Variants in PTPRZ1 observed in about 807,000 individuals in gnomAD.
PTPRZ1 encodes protein tyrosine phosphatase receptor type Z1.
PTPRZ1 carries 82 observed loss-of-function variants against 214.1 expected under a neutral mutation model. The observed-to-expected ratio is 0.38, with a 90% CI of 0.32 to 0.46. PTPRZ1 has a LOEUF of 0.46. Among genes scored for constraint, PTPRZ1 ranks in the 20% least tolerant of loss-of-function variants. The probability of loss-of-function intolerance (pLI) is 1.00; values close to 1 mark genes in which losing one functional copy is unlikely to be tolerated. For synonymous variants in PTPRZ1, 945 were observed against 987.9 expected (o/e 0.96, Z 0.81); for missense variants, 2,603 against 2,748.7 (o/e 0.95, Z 1.19).
chr7:122,028,350 C>T, intron 13 of PTPRZ1: 1 of 439,676 alleles, frequency 2.3e-6, no homozygotes, highest in Non-Finnish European at 4.1e-6. Context: ...TCTGCATCTG[C>T]TACAGGTAAA....
At position 122,061,131 on chromosome 7, in the gene PTPRZ1, C is replaced by T; in HGVS notation, c.6859C>T (p.Gln2287Ter). 2 of 1,609,802 alleles carry T rather than the reference C, an allele frequency of 1.2e-6. No homozygotes were observed. The highest frequency in any genetic ancestry group is 1.7e-6 in the Non-Finnish European group (2 of 1,177,106). The change falls in exon 30 of 30, where the codon CAG (glutamine) becomes TAG (stop). Residue 2287 changes from glutamine to a stop codon, truncating the protein, a stop_gained. Coordinates refer to ENST00000393386, the MANE Select transcript of PTPRZ1 (RefSeq NM_002851.3). LOFTEE classifies it high-confidence loss of function. ...KVILSLVSTR[Q>*]EENPSTSLDS... ...GATCCTCAGCCTTGTGAGCACAAGG[C>T]AGGAAGAGAATCCATCCACCTCTCT...
intron 1 of PTPRZ1, among the ~76,000 whole-genome samples, chr7:121,916,421 A>G (rs1451926326): frequency 6.6e-6 from 1 of 152,244 alleles, no homozygotes; most frequent in Non-Finnish European, 1.5e-5. Flanking sequence ...AAAACACTAC[A>G]TTAACTTGTT....
At position 121,983,741 on chromosome 7, in the gene PTPRZ1, T is replaced by C. The variant is rs772510346; in HGVS notation, c.696T>C (p.Asn232=). ...PNSTDKYYIY[N]GSLTSPPCTD... ...CAACTGACAAGTATTACATTTACAATGGCTCATTGACATCTCCTCCCTGCA... is the reference window on the plus strand; with the variant it reads ...CAACTGACAAGTATTACATTTACAACGGCTCATTGACATCTCCTCCCTGCA... Residue 232 remains asparagine, a synonymous_variant, in exon 7 of 30, where the codon AAT becomes AAC. Transcript: ENST00000393386. The C allele has an allele frequency of 8.7e-5, 141 of 1,613,654 alleles. 1 individual carries two copies. Among genetic ancestry groups the C allele is most frequent in the Middle Eastern group, 1.6e-4 (1 of 6,080 alleles).
intron 1 of PTPRZ1, chr7:121,908,856 G>A (rs1042330176): frequency 3.5e-5 from 17 of 484,388 alleles, no homozygotes; most frequent in Middle Eastern, 3.4e-4. Flanking sequence ...TTTGTATATG[G>A]AAATATATAT....
At chr7:121,893,836 A>G (rs1794709418) in intron 1 of PTPRZ1, among the ~76,000 whole-genome samples, 1 of 151,816 alleles carries the variant, frequency 6.6e-6, no homozygotes, top group Admixed American at 6.5e-5. Context: ...GGTTCCAGAT[A>G]GTATTTTAAT....
intron 4 of PTPRZ1, among the ~76,000 whole-genome samples, chr7:121,973,723 C>G (rs988021609): frequency 6.6e-6 from 1 of 152,052 alleles, no homozygotes; most frequent in African/African-American, 2.4e-5. Context: ...CACTAGAGGT[C>G]AGGAGTTCCA....
chr7:121,982,066 T>C (rs1348064566), intron 6 of PTPRZ1, among the ~76,000 whole-genome samples: 1 of 152,240 alleles, frequency 6.6e-6, no homozygotes, highest in East Asian at 1.9e-4. Context: ...AGAACTGATT[T>C]GTGCTTATGA....
chr7:122,023,083 C>T (rs1799067096), intron 13 of PTPRZ1, among the ~76,000 whole-genome samples: 1 of 152,100 alleles, frequency 6.6e-6, no homozygotes, highest in African/African-American at 2.4e-5. Context: ...GGACCATAGA[C>T]ATCAGTGTAA....
chr7:121,944,353 T>A (rs556918277), intron 2 of PTPRZ1, among the ~76,000 whole-genome samples: 1 of 152,198 alleles, frequency 6.6e-6, no homozygotes, highest in Non-Finnish European at 1.5e-5. Flanking sequence ...ATATATATAT[T>A]TTTAAGTTTT....
rs1350707949 is a variant in PTPRZ1, at chr7:121,963,746, A to T, written c.125-4205A>T. 2.6e-5 allele frequency among the ~76,000 whole-genome samples: 4 copies of T among 152,262 alleles called. No homozygotes were observed. The East Asian group carries it at 7.7e-4, about 29-fold the overall frequency. ...GAATGAGCTCAATTACAATGCAAAT[A>T]CTGAGGTTTATTGTGCTGACTGTAT... On this transcript the variant is annotated intron_variant, in intron 2 of 29. Transcript: ENST00000393386.
intron 13 of PTPRZ1, among the ~76,000 whole-genome samples, chr7:122,020,959 T>C (rs1798998960): frequency 1.3e-5 from 2 of 152,158 alleles, no homozygotes. Context: ...TTGACCAAAT[T>C]TTTTACCACA....
At chr7:122,007,210 G>C (rs1340496496) in intron 11 of PTPRZ1, among the ~76,000 whole-genome samples, 1 of 152,030 alleles carries the variant, frequency 6.6e-6, no homozygotes, top group Non-Finnish European at 1.5e-5. Context: ...AAAATGAGGA[G>C]GAGAAAGAAT....
chr7:121,978,126 T>C lies in PTPRZ1; in HGVS notation c.619+1275T>C, dbSNP rs77715976. On this transcript the variant is annotated intron_variant, in intron 6 of 29. Transcript: ENST00000393386. ...ATGTTCTTTAAAATTTCCTTTCTAA[T>C]ATCTACTGTCTGAAAGCCATTCAGG... 1.4e-4 allele frequency among the ~76,000 whole-genome samples: 21 copies of C among 152,320 alleles called. No individual in the cohort carries two copies. The East Asian group carries it at 4.1e-3, about 29-fold the overall frequency.
chr7:122,047,169 T>A (rs998725430), intron 23 of PTPRZ1, among the ~76,000 whole-genome samples: 4 of 152,228 alleles, frequency 2.6e-5, no homozygotes, highest in Non-Finnish European at 5.9e-5. Flanking sequence ...AAGTCATTGA[T>A]GACCTTTGTC....
chr7:122,040,998 C>T lies in PTPRZ1; in HGVS notation c.5801+19C>T, dbSNP rs1323483649. ...ACTGCAGGTGAGTCTCAGAGATGTG[C>T]CTCTAAACCCATAGAATTGCTTATA... On this transcript the variant is annotated intron_variant, in intron 21 of 29. Coordinates refer to ENST00000393386, the MANE Select transcript of PTPRZ1 (RefSeq NM_002851.3). 2 of 1,473,688 alleles carry T rather than the reference C, an allele frequency of 1.4e-6. No individual in the cohort carries two copies. Among genetic ancestry groups the T allele is most frequent in the South Asian group, 1.4e-5 (1 of 69,248 alleles). The allele number at this position is 1,473,688 out of a possible 1,614,324, so 91.3% of individuals were successfully genotyped here.
intron 3 of PTPRZ1, among the ~76,000 whole-genome samples, chr7:121,970,358 A>G (rs1370250371): frequency 6.6e-6 from 1 of 152,142 alleles, no homozygotes; most frequent in East Asian, 1.9e-4. Context: ...CCAGTTCTAG[A>G]TCTCTGAGGA....
intron 17 of PTPRZ1, 131 bp downstream of exon 17, chr7:122,034,509 A>C (rs1562874280): frequency 1.4e-6 from 1 of 693,614 alleles, no homozygotes; most frequent in Admixed American, 2.7e-5. Flanking sequence ...GGGAATAATA[A>C]GACTTGTGTT....
chr7:121,961,852 T>C (rs1796890421), intron 2 of PTPRZ1, among the ~76,000 whole-genome samples: 1 of 152,196 alleles, frequency 6.6e-6, no homozygotes, highest in Non-Finnish European at 1.5e-5. Flanking sequence ...CTAATTCAGG[T>C]AAGTCAATGA....
chr7:122,058,962 TG>T lies in PTPRZ1; in HGVS notation c.6671+22del, dbSNP rs770384594. 48 of 1,559,648 alleles carry T rather than the reference TG, an allele frequency of 3.1e-5. No homozygotes were observed. The highest frequency in any genetic ancestry group is 4.0e-5 in the Non-Finnish European group (45 of 1,134,364). On this transcript the variant is annotated intron_variant, in intron 28 of 29. Coordinates refer to ENST00000393386, the MANE Select transcript of PTPRZ1 (RefSeq NM_002851.3). ...TGATGAGTAAGTTCCATGTGTTAGA[TG>T]GTTTCACACCTGCACATTTTCTGGG...
Sources: allele counts gnomAD v4.1 joint callset (sites outside exome capture counted in the v4.1 genomes callset), GRCh38; gene constraint gnomAD v4.1.1; transcripts MANE v1.5; gene names NCBI Gene and HGNC (gene_info 2026-07-23, HGNC 2026-07-21).